Variants in TANGO6 observed in about 807,000 individuals in gnomAD.
TANGO6 encodes transport and Golgi organization protein 6 homolog.
A neutral mutation model predicts 114.2 loss-of-function variants in TANGO6; 90 were observed. The observed-to-expected ratio is 0.79, with a 90% CI of 0.66 to 0.94. TANGO6 has a LOEUF of 0.94. TANGO6 is among the 40% of genes least tolerant of loss of function. TANGO6 has a pLI of 0.00. For synonymous variants in TANGO6, 477 were observed against 509.8 expected (o/e 0.94, Z 0.87); for missense variants, 1,274 against 1,315.3 (o/e 0.97, Z 0.49).
At position 68,860,156 on chromosome 16, in the gene TANGO6, C is replaced by T. The variant is rs780206090; in HGVS notation, c.367C>T (p.Pro123Ser). 4.3e-6 allele frequency: 7 copies of T among 1,613,966 alleles called. No homozygotes were observed. The highest frequency in any genetic ancestry group is 5.9e-6 in the Non-Finnish European group (7 of 1,179,892). ...AANFNPGKPN[P>S]RTPEVAPALS... ...TAATTTCAATCCAGGTAAACCCAACCCTAGGACTCCGGAAGTTGCTCCTGC... is the reference window on the plus strand; with the variant it reads ...TAATTTCAATCCAGGTAAACCCAACTCTAGGACTCCGGAAGTTGCTCCTGC... The change falls in exon 2 of 18, where the codon CCT becomes TCT. Residue 123 changes from proline to serine, a missense_variant. Pro to Ser is a moderately conservative substitution (Grantham distance 74, BLOSUM62 -1). This residue lies in a region of TANGO6 where 908 missense variants were observed against 910.2 expected (regional missense o/e 1.00). Coordinates refer to ENST00000261778, the MANE Select transcript of TANGO6 (RefSeq NM_024562.2).
chr16:68,938,255 G>T (rs1963318688), intron 14 of TANGO6, among the ~76,000 whole-genome samples: 1 of 152,234 alleles, frequency 6.6e-6, no homozygotes, highest in African/African-American at 2.4e-5. Context: ...AGAACAATGA[G>T]AAGGTTGGAG....
intron 14 of TANGO6, among the ~76,000 whole-genome samples, chr16:68,943,509 G>A (rs1419789888): frequency 6.6e-6 from 1 of 151,788 alleles, no homozygotes; most frequent in African/African-American, 2.4e-5. Context: ...GACTACAGGT[G>A]CCTGCCACCA....
chr16:68,950,119 A>C (rs1360241641), intron 14 of TANGO6, among the ~76,000 whole-genome samples: 2 of 152,204 alleles, frequency 1.3e-5, no homozygotes, highest in Non-Finnish European at 2.9e-5. Flanking sequence ...GTAGAGTAAT[A>C]GTTGTCAGAG....
chr16:69,081,834 T>TG (rs1161910568), intron 17 of TANGO6, among the ~76,000 whole-genome samples: 12 of 146,970 alleles, frequency 8.2e-5, no homozygotes, highest in Admixed American at 5.4e-4. Context: ...GTAGCAGACT[T>TG]TTTTTTTTTT....
intron 17 of TANGO6, among the ~76,000 whole-genome samples, chr16:69,072,263 C>T (rs560534119): frequency 6.6e-6 from 1 of 152,112 alleles, no homozygotes; most frequent in East Asian, 1.9e-4. Flanking sequence ...TTGGCCTAAG[C>T]TTCTCAGATG....
chr16:69,045,881 T>C (rs1959849200), intron 17 of TANGO6, among the ~76,000 whole-genome samples: 1 of 150,412 alleles, frequency 6.6e-6, no homozygotes, highest in Admixed American at 6.6e-5. Flanking sequence ...CTGGCCAACA[T>C]AGTGAAACCC....
chr16:69,079,540 A>C (rs2152245170), intron 17 of TANGO6, among the ~76,000 whole-genome samples: 1 of 152,086 alleles, frequency 6.6e-6, no homozygotes, highest in Non-Finnish European at 1.5e-5. Flanking sequence ...AACTGGGAGA[A>C]AAATATTTGC....
intron 15 of TANGO6, among the ~76,000 whole-genome samples, chr16:69,004,991 A>G (rs1782988960): frequency 6.6e-6 from 1 of 152,192 alleles, no homozygotes; most frequent in African/African-American, 2.4e-5. Context: ...CCACAATTCT[A>G]GAGGGAATGC....
intron 15 of TANGO6, among the ~76,000 whole-genome samples, chr16:68,984,091 C>T (rs1441281873): frequency 6.6e-6 from 1 of 151,518 alleles, no homozygotes; most frequent in East Asian, 1.9e-4. Context: ...TCAGAGATTT[C>T]CATTTCACAG....
chr16:69,013,792 G>A (rs7193643), intron 15 of TANGO6, among the ~76,000 whole-genome samples: 2 of 151,718 alleles, frequency 1.3e-5, no homozygotes, highest in Non-Finnish European at 2.9e-5. Flanking sequence ...GAGTAGCTAC[G>A]ACCACAGGCA....
chr16:69,073,159 G>C (rs1194575263), intron 17 of TANGO6, among the ~76,000 whole-genome samples: 2 of 151,974 alleles, frequency 1.3e-5, no homozygotes, highest in African/African-American at 4.8e-5. Context: ...TCTTTAGGCT[G>C]TACCTGCATA....
chr16:68,904,727 C>A (rs1393055236), intron 9 of TANGO6, among the ~76,000 whole-genome samples: 1 of 152,148 alleles, frequency 6.6e-6, no homozygotes, highest in Admixed American at 6.5e-5. Context: ...ATTTTCTGTT[C>A]ACATTATTTT....
At chr16:68,935,308 C>T (rs958437938) in intron 14 of TANGO6, among the ~76,000 whole-genome samples, 23 of 152,018 alleles carry the variant, frequency 1.5e-4, no homozygotes, top group Admixed American at 1.3e-3. Flanking sequence ...GCCCAAATGG[C>T]TCCATGTGGA....
chr16:68,944,408 A>T (rs115088317), intron 14 of TANGO6, among the ~76,000 whole-genome samples: 229 of 152,200 alleles, frequency 1.5e-3, no homozygotes, highest in African/African-American at 4.9e-3. Flanking sequence ...AAATTCTTTC[A>T]CCCAGGCCTC....
intron 17 of TANGO6, among the ~76,000 whole-genome samples, chr16:69,045,788 G>A (rs751446761): frequency 2.9e-4 from 44 of 151,266 alleles, no homozygotes; most frequent in Non-Finnish European, 4.9e-4. Flanking sequence ...AAATTAGGCC[G>A]GGCGTGGTGG....
chr16:69,001,477 T>C (rs1964042059), intron 15 of TANGO6, among the ~76,000 whole-genome samples: 1 of 152,044 alleles, frequency 6.6e-6, no homozygotes, highest in African/African-American at 2.4e-5. Flanking sequence ...GTGCCTATTA[T>C]TTACAGCTCT....
chr16:68,960,752 A>G (rs749823580), intron 14 of TANGO6, among the ~76,000 whole-genome samples: 48 of 151,314 alleles, frequency 3.2e-4, no homozygotes, highest in Non-Finnish European at 3.2e-4. Flanking sequence ...ACCCACCTCA[A>G]CCTCCCATAG....
intron 17 of TANGO6, among the ~76,000 whole-genome samples, chr16:69,074,133 A>G (rs1480600331): frequency 6.6e-6 from 1 of 152,070 alleles, no homozygotes; most frequent in African/African-American, 2.4e-5. Flanking sequence ...TCACGTGGTG[A>G]CACTGGGCTA....
At chr16:68,947,899 C>T (rs1249937520) in intron 14 of TANGO6, among the ~76,000 whole-genome samples, 3 of 151,988 alleles carry the variant, frequency 2.0e-5, no homozygotes, top group South Asian at 2.1e-4. Flanking sequence ...GACTACAACC[C>T]ATCTTTTATA....
Sources: gnomAD v4.1 joint callset for allele counts (sites outside exome capture counted in the v4.1 genomes callset) on GRCh38, gnomAD v4.1.1 for gene constraint, gnomAD v4.1.1 regional missense constraint, MANE v1.5 for transcripts, NCBI Gene and HGNC (gene_info 2026-07-23, HGNC 2026-07-21) for gene names.